Variants in NSG1 observed in about 807,000 individuals in gnomAD.
NSG1 encodes neuronal vesicle trafficking-associated protein 1.
In NSG1, 9 loss-of-function variants were observed where a neutral mutation model predicts 19.3. The observed-to-expected ratio is 0.47, with a 90% CI of 0.28 to 0.81. The LOEUF is 0.81. Ranked by LOEUF, NSG1 falls within the 40% of genes least tolerant of loss-of-function variation. The pLI is 0.11. For synonymous variants in NSG1, 104 were observed against 107.0 expected (o/e 0.97, Z 0.17); for missense variants, 236 against 242.4 (o/e 0.97, Z 0.18).
chr4:4,391,858 C>T (rs1262788380), intron 3 of NSG1, among the ~76,000 whole-genome samples: 3 of 152,160 alleles, frequency 2.0e-5, no homozygotes, highest in Non-Finnish European at 4.4e-5. Context: ...GTCTTTTAGG[C>T]AAAGATTATA....
chr4:4,410,322 G>C (rs1275473242), intron 4 of NSG1, among the ~76,000 whole-genome samples: 3 of 152,230 alleles, frequency 2.0e-5, no homozygotes, highest in African/African-American at 7.2e-5. Context: ...TAAAGGGAGG[G>C]GAGATAAGGG....
Position 4,417,721 on chromosome 4 carries a change from T to C in NSG1, c.*286T>C. The C allele has an allele frequency of 2.3e-6, 1 of 444,188 alleles. No individual in the cohort carries two copies. 27.5% of individuals were successfully genotyped at this position (444,188 alleles called of 1,614,324 possible). On this transcript the variant is annotated 3_prime_UTR_variant, in exon 5 of 5. Transcript: ENST00000621129. ...TATTGGATGCTGTAAAAAAATAAAT[T>C]TACACTGGATATGCGAAGGGTTTGG...
chr4:4,387,609 A>C lies in NSG1; in HGVS notation c.-21A>C, dbSNP rs1325118731. 1 of 1,436,304 alleles carries C rather than the reference A, an allele frequency of 7.0e-7. No individual in the cohort carries two copies. Among genetic ancestry groups the C allele is most frequent in the Non-Finnish European group, 9.3e-7 (1 of 1,070,128 alleles). The allele number at this position is 1,436,304 out of a possible 1,614,324, so 89.0% of individuals were successfully genotyped here. ...CCCCGGCCCTCCCGCCGCAGGCTGC[A>C]GCCTCGGAGCTCCCGGAACGATGGT... On this transcript the variant is annotated 5_prime_UTR_variant, in exon 2 of 5. Coordinates refer to ENST00000621129, the MANE Select transcript of NSG1 (RefSeq NM_014392.5).
chr4:4,404,347 C>G (rs1482054928), intron 3 of NSG1, among the ~76,000 whole-genome samples: 2 of 152,242 alleles, frequency 1.3e-5, no homozygotes, highest in African/African-American at 4.8e-5. Context: ...TCACCGTGCC[C>G]ACTGTTTGCC....
chr4:4,396,442 G>A (rs569984843), intron 3 of NSG1, among the ~76,000 whole-genome samples: 6 of 152,284 alleles, frequency 3.9e-5, no homozygotes, highest in East Asian at 1.9e-4. Flanking sequence ...GACCCTCACC[G>A]GGTACCATGT....
chr4:4,406,916 C>T (rs1279508755), intron 3 of NSG1, among the ~76,000 whole-genome samples: 2 of 152,234 alleles, frequency 1.3e-5, no homozygotes, highest in African/African-American at 4.8e-5. Context: ...CTGCCACGTG[C>T]CTCAGACGGC....
chr4:4,387,559 C>T (rs1341270805), intron 1 of NSG1, 45 bp from the exon 2 acceptor site: 5 of 1,121,122 alleles, frequency 4.5e-6, no homozygotes, highest in African/African-American at 3.2e-5. Flanking sequence ...CCCGCCCCGC[C>T]CCGGGTCTTG....
chr4:4,397,039 C>CTGTGTG (rs61613589), intron 3 of NSG1, among the ~76,000 whole-genome samples: 3,182 of 150,094 alleles, frequency 0.021, 102 homozygotes, highest in African/African-American at 0.071. Context: ...GTTCAGTCAT[C>CTGTGTG]TGTGTGTGTG....
In NSG1 at chr4:4,417,668, A is replaced by G. The variant is rs1724654104; in HGVS notation, c.*233A>G. 3 of 542,300 alleles carry G rather than the reference A, an allele frequency of 5.5e-6. No homozygotes were observed. The highest frequency in any genetic ancestry group is 4.4e-5 in the South Asian group (2 of 45,914). 33.6% of individuals were successfully genotyped at this position (542,300 alleles called of 1,614,324 possible). A position where few individuals can be genotyped will look rare whatever the true frequency, so the allele number is the denominator to read the frequency against. On this transcript the variant is annotated 3_prime_UTR_variant, in exon 5 of 5. Transcript: ENST00000621129. ...CTCTGACACCACTTTTCATGTTAAG[A>G]TCTTCATTTAGCTCCTTTACTGGGA... is the stretch of plus-strand genomic sequence containing the variant.
chr4:4,404,293 G>T (rs1723732923), intron 3 of NSG1, among the ~76,000 whole-genome samples: 1 of 152,248 alleles, frequency 6.6e-6, no homozygotes, highest in Non-Finnish European at 1.5e-5. Flanking sequence ...CTGCAACATT[G>T]TGTGGGAGTG....
chr4:4,406,794 G>T (rs1700703381), intron 3 of NSG1, among the ~76,000 whole-genome samples: 1 of 152,192 alleles, frequency 6.6e-6, no homozygotes. Context: ...GAGCCGCAGG[G>T]TCTGTGCTCC....
chr4:4,417,645 C>G lies in NSG1; in HGVS notation c.*210C>G. ...GCATTTCAGCATTGCCTAAAGAGCT[C>G]TGACACCACTTTTCATGTTAAGATC... On this transcript the variant is annotated 3_prime_UTR_variant, in exon 5 of 5. Transcript: ENST00000621129. 1 of 570,830 alleles carries G rather than the reference C, an allele frequency of 1.8e-6. No homozygotes were observed. The highest frequency in any genetic ancestry group is 1.9e-5 in the African/African-American group (1 of 53,446). 35.4% of individuals were successfully genotyped at this position (570,830 alleles called of 1,614,324 possible).
Position 4,387,720 on chromosome 4 carries a change from C to G in NSG1, c.91C>G (p.Leu31Val), listed in dbSNP as rs1445903503. The G allele has an allele frequency of 7.4e-6, 12 of 1,613,018 alleles. No homozygotes were observed. The highest frequency in any genetic ancestry group is 1.0e-5 in the Non-Finnish European group (12 of 1,179,128). The change falls in exon 2 of 5, where the codon CTC (leucine) becomes GTC (valine). Residue 31 changes from leucine to valine, a missense_variant. Coordinates refer to ENST00000621129, the MANE Select transcript of NSG1 (RefSeq NM_014392.5). ...CGACACCATTCCCCTGATGACGCCC[C>G]TCGATGTCAATCAGCTGCAGTTCCC... is the stretch of plus-strand genomic sequence containing the variant. The part of the protein sequence containing the change: ...GFDTIPLMTP[L>V]DVNQLQFPPP...
chr4:4,390,345 C>A (rs1354157270), intron 2 of NSG1, among the ~76,000 whole-genome samples: 3 of 152,212 alleles, frequency 2.0e-5, no homozygotes, highest in Non-Finnish European at 4.4e-5. Context: ...AGGTTTATGG[C>A]TCTTGGGATC....
At chr4:4,415,400 G>A (rs372146987) in intron 4 of NSG1, among the ~76,000 whole-genome samples, 6 of 152,120 alleles carry the variant, frequency 3.9e-5, no homozygotes, top group Non-Finnish European at 8.8e-5. Context: ...GCTGAGTCAC[G>A]CTCCCCTCAA....
chr4:4,397,794 C>T (rs926644194), intron 3 of NSG1, among the ~76,000 whole-genome samples: 1 of 152,168 alleles, frequency 6.6e-6, no homozygotes, highest in African/African-American at 2.4e-5. Flanking sequence ...GGCCCAGATC[C>T]TGTTTGTATT....
rs575136588 is a variant in NSG1 at position 4,408,316 on chromosome 4, C to T, written c.247-1257C>T. ...GGCTGCTGGGAGGGGCGGTGGGGAGCGAGCAGCTCTGTGCATGTTCATACG... is the reference window on the plus strand; with the variant it reads ...GGCTGCTGGGAGGGGCGGTGGGGAGTGAGCAGCTCTGTGCATGTTCATACG... On this transcript the variant is annotated intron_variant, in intron 3 of 4. Transcript: ENST00000621129. Among the ~76,000 whole-genome samples, 14 of 152,264 alleles carry T rather than the reference C, an allele frequency of 9.2e-5. 2 individuals are homozygous for T. Among genetic ancestry groups the T allele is most frequent in the Admixed American group, 4.6e-4 (7 of 15,310 alleles).
At chr4:4,415,327 G>A (rs1427925321) in intron 4 of NSG1, among the ~76,000 whole-genome samples, 1 of 152,148 alleles carries the variant, frequency 6.6e-6, no homozygotes, top group Non-Finnish European at 1.5e-5. Context: ...TCACTTCACA[G>A]GTGAGGGAAT....
At chr4:4,408,765 TG>T (rs1724001386) in intron 3 of NSG1, among the ~76,000 whole-genome samples, 1 of 152,172 alleles carries the variant, frequency 6.6e-6, no homozygotes, top group Admixed American at 6.5e-5. Context: ...CAGCCCGTTT[TG>T]GCTTTGAGAC....
Sources: gnomAD v4.1 joint callset for allele counts (sites outside exome capture counted in the v4.1 genomes callset) on GRCh38, gnomAD v4.1.1 for gene constraint, MANE v1.5 for transcripts, NCBI Gene and HGNC (gene_info 2026-07-23, HGNC 2026-07-21) for gene names.